The following MYO5B variants were observed in gnomAD, a reference collection of about 807,000 sequenced individuals.
The protein encoded by MYO5B is myosin VB.
A neutral mutation model predicts 229.3 loss-of-function variants in MYO5B; 143 were observed. That is an observed-to-expected ratio of 0.62 (90% CI 0.54 to 0.72). The LOEUF (loss-of-function observed/expected upper bound fraction) is 0.72, where lower values mean the gene tolerates loss of function less well. MYO5B is among the 30% of genes least tolerant of loss of function. The pLI, the probability that MYO5B is intolerant of heterozygous loss-of-function variation, is 0.00. For synonymous variants in MYO5B, 918 were observed against 885.2 expected (o/e 1.04, Z -0.66); for missense variants, 2,321 against 2,331.0 (o/e 1.00, Z 0.09).
intron 1 of MYO5B, among the ~76,000 whole-genome samples, chr18:50,132,048 C>A (rs1199975244): frequency 6.6e-6 from 1 of 152,206 alleles, no homozygotes; most frequent in Non-Finnish European, 1.5e-5. Flanking sequence ...GCTCCTGCTT[C>A]CACAGTGGGC....
chr18:50,133,062 C>G (rs2144549203), intron 1 of MYO5B, among the ~76,000 whole-genome samples: 1 of 152,246 alleles, frequency 6.6e-6, no homozygotes, highest in Non-Finnish European at 1.5e-5. Context: ...TCTCCAAGAC[C>G]AGTCTATGCT....
intron 1 of MYO5B, among the ~76,000 whole-genome samples, chr18:50,191,274 T>C (rs550738632): frequency 9.7e-4 from 147 of 152,328 alleles, no homozygotes; most frequent in African/African-American, 3.5e-3. Flanking sequence ...CTTAATTTCA[T>C]AATCAAGACC....
intron 4 of MYO5B, among the ~76,000 whole-genome samples, chr18:50,011,670 T>G (rs1222298157): frequency 6.6e-6 from 1 of 151,868 alleles, no homozygotes; most frequent in Non-Finnish European, 1.5e-5. Context: ...TGCTTTGAAT[T>G]TTTTTCTAAT....
chr18:49,937,179 C>T, intron 15 of MYO5B, 66 bp downstream of exon 15: 1 of 1,586,220 alleles, frequency 6.3e-7, no homozygotes, highest in East Asian at 2.2e-5. Context: ...TGCCGCCATC[C>T]TTCATCTACA....
intron 1 of MYO5B, among the ~76,000 whole-genome samples, chr18:50,102,905 A>T (rs138573725): frequency 6.6e-6 from 1 of 152,244 alleles, no homozygotes; most frequent in Non-Finnish European, 1.5e-5. Flanking sequence ...TCCCAGGAGC[A>T]ATGAAGAGGG....
At chr18:50,118,606 CA>C (rs1288895407) in intron 1 of MYO5B, among the ~76,000 whole-genome samples, 4 of 150,070 alleles carry the variant, frequency 2.7e-5, no homozygotes, top group African/African-American at 9.8e-5. Flanking sequence ...CATATGTATA[CA>C]TGTGCCATGT....
intron 1 of MYO5B, among the ~76,000 whole-genome samples, chr18:50,059,355 T>G (rs958273634): frequency 6.6e-6 from 1 of 152,210 alleles, no homozygotes; most frequent in Non-Finnish European, 1.5e-5. Context: ...CATAAAAATA[T>G]GCCCTAATGG....
At chr18:50,004,316 CA>C (rs1352726940) in intron 4 of MYO5B, among the ~76,000 whole-genome samples, 1 of 152,194 alleles carries the variant, frequency 6.6e-6, no homozygotes, top group African/African-American at 2.4e-5. Context: ...AGTGGACATA[CA>C]TGGCTAAGAA....
chr18:50,172,000 G>C lies in MYO5B; in HGVS notation c.27+22767C>G, dbSNP rs2032924884. The stretch of plus-strand genomic sequence containing the variant: ...GATTAAACCAGAATGGCTGTTCAGA[G>C]TCTGTGGAATCAGCAAAGACCCTCA... On this transcript the variant is annotated intron_variant, in intron 1 of 39. Transcript: ENST00000285039. Among the ~76,000 whole-genome samples, 4 of 62,582 alleles carry C rather than the reference G, an allele frequency of 6.4e-5. 2 individuals carry two copies. The highest frequency in any genetic ancestry group is 1.3e-4 in the Non-Finnish European group (4 of 30,664). The allele number at this position is 62,582 out of a possible 152,430, so 41.1% of individuals were successfully genotyped here. A position where few individuals can be genotyped will look rare whatever the true frequency, so the allele number is the denominator to read the frequency against.
At chr18:50,165,683 G>A (rs1223000663) in intron 1 of MYO5B, among the ~76,000 whole-genome samples, 2 of 152,126 alleles carry the variant, frequency 1.3e-5, no homozygotes, top group South Asian at 4.1e-4. Flanking sequence ...GGCTGAAGGA[G>A]GAGAATCACT....
intron 1 of MYO5B, among the ~76,000 whole-genome samples, chr18:50,101,548 G>T (rs1482745349): frequency 6.7e-6 from 1 of 149,788 alleles, no homozygotes; most frequent in Non-Finnish European, 1.5e-5. Flanking sequence ...AAATTTACAA[G>T]AAAAAAAAAC....
chr18:49,992,085 A>C (rs766145895), intron 6 of MYO5B, among the ~76,000 whole-genome samples: 1 of 152,234 alleles, frequency 6.6e-6, no homozygotes. Context: ...TGAAAACAGT[A>C]CTGTATAAAG....
chr18:50,051,686 A>G (rs569682052), intron 2 of MYO5B, among the ~76,000 whole-genome samples: 3 of 152,242 alleles, frequency 2.0e-5, no homozygotes, highest in Admixed American at 6.5e-5. Flanking sequence ...AGAAAAAGGT[A>G]TAAGATGTTA....
chr18:49,907,597 A>G (rs1292258281), intron 18 of MYO5B, among the ~76,000 whole-genome samples: 1 of 152,238 alleles, frequency 6.6e-6, no homozygotes, highest in African/African-American at 2.4e-5. Context: ...GGAAGGAATG[A>G]GCCAAGTCCA....
At chr18:50,126,847 T>A (rs773668646) in intron 1 of MYO5B, among the ~76,000 whole-genome samples, 17 of 152,222 alleles carry the variant, frequency 1.1e-4, no homozygotes, top group Non-Finnish European at 2.2e-4. Flanking sequence ...CTCTGTAACC[T>A]TGGGCAAGTT....
At chr18:49,981,540 T>C (rs1029563145) in intron 8 of MYO5B, among the ~76,000 whole-genome samples, 10 of 152,328 alleles carry the variant, frequency 6.6e-5, no homozygotes, top group African/African-American at 2.4e-4. Flanking sequence ...GCATCATAGA[T>C]TTACTTTTTT....
At chr18:49,935,154 G>A (rs965134584) in intron 16 of MYO5B, among the ~76,000 whole-genome samples, 7 of 152,316 alleles carry the variant, frequency 4.6e-5, no homozygotes, top group African/African-American at 1.4e-4. Context: ...GGTGAGGAAC[G>A]TGCATGGAGA....
At chr18:50,086,164 A>G (rs2031325253) in intron 1 of MYO5B, among the ~76,000 whole-genome samples, 1 of 152,150 alleles carries the variant, frequency 6.6e-6, no homozygotes, top group Non-Finnish European at 1.5e-5. Flanking sequence ...CACCCTGTTT[A>G]ACGGATTTAT....
intron 1 of MYO5B, among the ~76,000 whole-genome samples, chr18:50,115,541 C>CAG (rs765565196): frequency 3.8e-4 from 25 of 65,512 alleles, no homozygotes; most frequent in African/African-American, 1.3e-3. Context: ...CACACACACA[C>CAG]AGAGAGACAC....
Sources: gnomAD v4.1 joint callset for allele counts (sites outside exome capture counted in the v4.1 genomes callset) on GRCh38, gnomAD v4.1.1 for gene constraint, MANE v1.5 for transcripts, NCBI Gene and HGNC (gene_info 2026-07-23, HGNC 2026-07-21) for gene names.